CTNNA1: variants seen among roughly 807,000 people sequenced by gnomAD.
CTNNA1 encodes catenin alpha 1.
CTNNA1 carries 37 observed loss-of-function variants against 98.4 expected under a neutral mutation model. That is an observed-to-expected ratio of 0.38 (90% CI 0.29 to 0.49). CTNNA1 has a LOEUF of 0.49. Ranked by LOEUF, CTNNA1 falls within the 20% of genes least tolerant of loss-of-function variation. The pLI, the probability that CTNNA1 is intolerant of heterozygous loss-of-function variation, is 0.95. For synonymous variants in CTNNA1, 404 were observed against 413.2 expected (o/e 0.98, Z 0.27); for missense variants, 761 against 1,147.2 (o/e 0.66, Z 4.86).
chr5:138,913,636 A>G (rs919903912), intron 10 of CTNNA1, among the ~76,000 whole-genome samples: 1 of 151,378 alleles, frequency 6.6e-6, no homozygotes, highest in Non-Finnish European at 1.5e-5. Context: ...TGTAATTTGC[A>G]TTGGAGTATG....
chr5:138,916,093 A>T (rs925088143), intron 10 of CTNNA1, among the ~76,000 whole-genome samples: 4 of 151,446 alleles, frequency 2.6e-5, no homozygotes, highest in Non-Finnish European at 4.4e-5. Context: ...GCAAGTTACA[A>T]AAGTCCACAT....
At chr5:138,913,461 G>A (rs1323487517) in intron 10 of CTNNA1, among the ~76,000 whole-genome samples, 2 of 151,970 alleles carry the variant, frequency 1.3e-5, no homozygotes, top group African/African-American at 4.8e-5. Flanking sequence ...GCACACACCT[G>A]TAATCCCAGC....
chr5:138,872,924 C>T (rs1005442225), intron 7 of CTNNA1: 3 of 953,360 alleles, frequency 3.1e-6, no homozygotes, highest in Non-Finnish European at 4.6e-6. Flanking sequence ...CTTAATGTCA[C>T]CATTGGTAAA....
intron 7 of CTNNA1, among the ~76,000 whole-genome samples, chr5:138,842,684 C>T (rs989341554): frequency 6.6e-6 from 1 of 152,148 alleles, no homozygotes; most frequent in Non-Finnish European, 1.5e-5. Context: ...ATAAATAGCT[C>T]CCAGAAGCTT....
chr5:138,842,251 G>C (rs1304815114), intron 7 of CTNNA1, among the ~76,000 whole-genome samples: 2 of 152,118 alleles, frequency 1.3e-5, no homozygotes, highest in Non-Finnish European at 2.9e-5. Context: ...AGTGAGCCAT[G>C]ATGGCACCAC....
chr5:138,799,686 G>A (rs1030734757), intron 3 of CTNNA1, among the ~76,000 whole-genome samples: 1 of 151,296 alleles, frequency 6.6e-6, no homozygotes. Flanking sequence ...TTTAGCTGGG[G>A]GCTTATTTAT....
chr5:138,919,609 A>T (rs912619311), intron 11 of CTNNA1, among the ~76,000 whole-genome samples: 57 of 152,332 alleles, frequency 3.7e-4, no homozygotes, highest in African/African-American at 1.2e-3. Context: ...TTTTTATGCA[A>T]ATGTATGAGA....
chr5:138,840,735 A>AT (rs1187270033), intron 7 of CTNNA1, among the ~76,000 whole-genome samples: 3 of 151,334 alleles, frequency 2.0e-5, no homozygotes, highest in South Asian at 2.1e-4. Context: ...TTCATTTTAC[A>AT]TTTTTTTAAA....
intron 7 of CTNNA1, among the ~76,000 whole-genome samples, chr5:138,864,335 G>T (rs554848904): frequency 2.0e-5 from 3 of 152,214 alleles, no homozygotes; most frequent in African/African-American, 7.2e-5. Flanking sequence ...AGAAGCAATT[G>T]GGAAAGTTAC....
In CTNNA1 at chr5:138,930,919, G is replaced by T; in HGVS notation, c.2282G>T (p.Arg761Leu). ...GGATCCAGGATGGACAAGCTTGGCC[G>T]CACCATTGCAGACCATGTAAGTGAC... is the stretch of plus-strand genomic sequence containing the variant. ...EAGSRMDKLG[R>L]TIADHCPDSA... is the part of the protein sequence containing the mutation. The change falls in exon 16 of 18, where the codon CGC becomes CTC. Residue 761 changes from arginine (R) to leucine (L), a missense_variant. Arg to Leu is a moderately radical substitution (Grantham distance 102). This residue lies in a region of CTNNA1 where 77 missense variants were observed against 198.8 expected (regional missense o/e 0.39). Coordinates refer to ENST00000302763, the MANE Select transcript of CTNNA1 (RefSeq NM_001903.5). 1 of 1,612,282 alleles carries T rather than the reference G, an allele frequency of 6.2e-7. No homozygotes were observed. The highest frequency in any genetic ancestry group is 1.1e-5 in the South Asian group (1 of 91,032).
intron 5 of CTNNA1, among the ~76,000 whole-genome samples, chr5:138,822,635 C>A (rs962956002): frequency 6.6e-6 from 1 of 152,076 alleles, no homozygotes; most frequent in South Asian, 2.1e-4. Flanking sequence ...TAGTCATAGC[C>A]CCTTGTTGCT....
rs70982734 is a variant in CTNNA1 at position 138,759,980 on chromosome 5, CTTTTTTTTTTTT to C, written c.-3+6488_-3+6499del. On this transcript the variant is annotated intron_variant, in intron 1 of 17. Coordinates refer to ENST00000302763, the MANE Select transcript of CTNNA1 (RefSeq NM_001903.5). ...GGAATCCTCTCCCAGAATTTCTTTC[CTTTTTTTTTTTT>C]TTTTTTTTTTTTTTTTTATGAGATG... is the stretch of plus-strand genomic sequence containing the variant. Among the ~76,000 whole-genome samples, 6 of 61,246 alleles carry C rather than the reference CTTTTTTTTTTTT, an allele frequency of 9.8e-5. No homozygotes were observed. The East Asian group carries it at 2.3e-3, about 24-fold the overall frequency. 40.2% of individuals were successfully genotyped at this position (61,246 alleles called of 152,430 possible).
intron 1 of CTNNA1, among the ~76,000 whole-genome samples, chr5:138,760,758 A>G (rs1214867113): frequency 6.6e-6 from 1 of 152,198 alleles, no homozygotes; most frequent in Non-Finnish European, 1.5e-5. Flanking sequence ...CTCTCCAGAA[A>G]TGTACTTTAT....
intron 1 of CTNNA1, among the ~76,000 whole-genome samples, chr5:138,778,333 G>C (rs1754647576): frequency 6.6e-6 from 1 of 152,162 alleles, no homozygotes; most frequent in African/African-American, 2.4e-5. Flanking sequence ...TTATTTTGTA[G>C]ATCGTCTCAC....
intron 5 of CTNNA1, among the ~76,000 whole-genome samples, chr5:138,815,401 T>C (rs1289431672): frequency 2.0e-5 from 3 of 152,272 alleles, no homozygotes; most frequent in African/African-American, 4.8e-5. Context: ...ATTTGTGGGC[T>C]CCTGCTTGGG....
At chr5:138,788,946 T>C (rs149551608) in intron 3 of CTNNA1, among the ~76,000 whole-genome samples, 43 of 152,306 alleles carry the variant, frequency 2.8e-4, no homozygotes, top group African/African-American at 6.5e-4. Context: ...CATTTCTGGG[T>C]CAGTGAAGGG....
chr5:138,789,522 A>G (rs1756116592), intron 3 of CTNNA1, among the ~76,000 whole-genome samples: 2 of 152,180 alleles, frequency 1.3e-5, no homozygotes, highest in South Asian at 4.2e-4. Flanking sequence ...CAGTGGTGGT[A>G]TCTTGGCTCG....
At chr5:138,892,396 G>A (rs1285852503) in intron 9 of CTNNA1, among the ~76,000 whole-genome samples, 1 of 128,878 alleles carries the variant, frequency 7.8e-6, no homozygotes, top group Non-Finnish European at 1.5e-5. Flanking sequence ...CTGGAGTGCA[G>A]TGACATGATC....
rs28363435 is a variant in CTNNA1, at chr5:138,874,363, C to T, written c.1063-11849C>T. 24 of 1,614,002 alleles carry T rather than the reference C, an allele frequency of 1.5e-5. No homozygotes were observed. In the African/African-American group the frequency reaches 2.0e-4, roughly 13 times the overall value. On this transcript the variant is annotated intron_variant, in intron 7 of 17. Transcript: ENST00000302763. The surrounding 1 kb of genome is among the most constrained non-coding windows in gnomAD (Gnocchi z 4.1). Reference sequence around the variant, plus strand: ...CTGTGATGTGATTGTGCCTCAGGGACAGGCCCAGAGAGCCCTTGTCTGTGG... The same window carrying T: ...CTGTGATGTGATTGTGCCTCAGGGATAGGCCCAGAGAGCCCTTGTCTGTGG...
Sources: allele counts gnomAD v4.1 joint callset (sites outside exome capture counted in the v4.1 genomes callset), GRCh38; gene constraint gnomAD v4.1.1; regional missense constraint gnomAD v4.1.1; non-coding constraint Gnocchi (gnomAD v3.1); transcripts MANE v1.5; gene names NCBI Gene and HGNC (gene_info 2026-07-23, HGNC 2026-07-21).